RAB31: variants seen among roughly 807,000 people sequenced by gnomAD.
The protein encoded by RAB31 is RAB31, member RAS oncogene family, also known as ras-related protein Rab-31.
In RAB31, 21 loss-of-function variants were observed where a neutral mutation model predicts 25.6. That is an observed-to-expected ratio of 0.82 (90% CI 0.58 to 1.18). The LOEUF is 1.18. Ranked by LOEUF, RAB31 falls within the 50% of genes most tolerant of loss-of-function variation. The pLI, the probability that RAB31 is intolerant of heterozygous loss-of-function variation, is 0.00. For synonymous variants in RAB31, 87 were observed against 84.0 expected (o/e 1.04, Z -0.20); for missense variants, 196 against 250.1 (o/e 0.78, Z 1.46).
chr18:9,796,193 A>G (rs1599042140), intron 3 of RAB31, among the ~76,000 whole-genome samples: 1 of 152,192 alleles, frequency 6.6e-6, no homozygotes, highest in Admixed American at 6.5e-5. Flanking sequence ...ACACAGTGGC[A>G]TAAGAATGAT....
rs1022997275 is a variant in RAB31 at position 9,833,778 on chromosome 18, G to A, written c.381-11804G>A. Among the ~76,000 whole-genome samples, 4 of 152,156 alleles carry A rather than the reference G, an allele frequency of 2.6e-5. No homozygotes were observed. The East Asian group carries it at 7.7e-4, about 29-fold the overall frequency. Reference sequence around the variant, plus strand: ...AAGACATAAGCCATATCTGATCTATGAGCTGTTATTAGAAAATAGTACAGT... The same window carrying A: ...AAGACATAAGCCATATCTGATCTATAAGCTGTTATTAGAAAATAGTACAGT... On this transcript the variant is annotated intron_variant, in intron 5 of 6. Coordinates refer to ENST00000578921, the MANE Select transcript of RAB31 (RefSeq NM_006868.4).
intron 1 of RAB31, among the ~76,000 whole-genome samples, chr18:9,719,614 G>A (rs1304295548): frequency 2.0e-5 from 3 of 151,402 alleles, no homozygotes; most frequent in Non-Finnish European, 2.9e-5. Flanking sequence ...TTTGTTTCAC[G>A]TTCGGAGGAC....
chr18:9,767,980 T>C (rs2068324927), intron 1 of RAB31, among the ~76,000 whole-genome samples: 1 of 152,158 alleles, frequency 6.6e-6, no homozygotes, highest in East Asian at 1.9e-4. Flanking sequence ...TTTGGTTTTC[T>C]GTTCCTGTGT....
intron 1 of RAB31, among the ~76,000 whole-genome samples, chr18:9,763,240 C>A (rs749412611): frequency 1.3e-5 from 2 of 151,926 alleles, no homozygotes; most frequent in African/African-American, 4.8e-5. Context: ...TTTAAACTTA[C>A]GCTAAGGCCT....
chr18:9,747,128 A>G (rs1465270093), intron 1 of RAB31, among the ~76,000 whole-genome samples: 1 of 152,234 alleles, frequency 6.6e-6, no homozygotes, highest in African/African-American at 2.4e-5. Context: ...TCCAGAGAAG[A>G]CATACAGATG....
intron 5 of RAB31, among the ~76,000 whole-genome samples, chr18:9,820,631 T>C (rs2068620179): frequency 1.3e-5 from 2 of 152,112 alleles, no homozygotes; most frequent in Non-Finnish European, 2.9e-5. Context: ...GTCAGTTCTT[T>C]AAGTGTTATC....
intron 1 of RAB31, among the ~76,000 whole-genome samples, chr18:9,750,073 A>G (rs1473349933): frequency 6.6e-6 from 1 of 152,192 alleles, no homozygotes. Flanking sequence ...TCCCTTGAAC[A>G]GGCCGAAAGG....
intron 3 of RAB31, among the ~76,000 whole-genome samples, chr18:9,798,160 T>G (rs1452050641): frequency 6.6e-6 from 1 of 152,226 alleles, no homozygotes; most frequent in African/African-American, 2.4e-5. Flanking sequence ...GGATTTAGTT[T>G]GGGATAACGA....
intron 1 of RAB31, among the ~76,000 whole-genome samples, chr18:9,773,480 G>A (rs557357589): frequency 1.8e-4 from 28 of 152,200 alleles, no homozygotes; most frequent in African/African-American, 4.8e-4. Context: ...TGTTGGCAAC[G>A]GCGATCGGTG....
intron 2 of RAB31, among the ~76,000 whole-genome samples, chr18:9,777,504 C>T (rs370421009): frequency 4.7e-4 from 71 of 152,194 alleles, no homozygotes; most frequent in Admixed American, 1.2e-3. Context: ...CCAACATAGG[C>T]GCGCTTGTAT....
At chr18:9,853,377 TA>T (rs1343391807) in intron 6 of RAB31, among the ~76,000 whole-genome samples, 2 of 152,110 alleles carry the variant, frequency 1.3e-5, no homozygotes, top group Non-Finnish European at 2.9e-5. Context: ...TATCAAACCA[TA>T]AAAAATGTGG....
At chr18:9,752,604 C>T (rs2068241094) in intron 1 of RAB31, among the ~76,000 whole-genome samples, 1 of 152,222 alleles carries the variant, frequency 6.6e-6, no homozygotes, top group African/African-American at 2.4e-5. Context: ...CTCCAGCATC[C>T]CATTGACGTC....
In RAB31 at chr18:9,794,131, G is replaced by A. The variant is rs545239384; in HGVS notation, c.201+1896G>A. On this transcript the variant is annotated intron_variant, in intron 3 of 6. Coordinates refer to ENST00000578921, the MANE Select transcript of RAB31 (RefSeq NM_006868.4). ...GCTGGTCTTGAACTCCTGGGCTCAA[G>A]CAGTCCTCCTGCCTTGGCCTTCCAA... 3.1e-4 allele frequency among the ~76,000 whole-genome samples: 47 copies of A among 152,276 alleles called. 1 individual carries two copies. In the South Asian group the frequency reaches 7.5e-3, roughly 24 times the overall value.
At chr18:9,727,981 G>A (rs1293053188) in intron 1 of RAB31, among the ~76,000 whole-genome samples, 1 of 152,164 alleles carries the variant, frequency 6.6e-6, no homozygotes, top group Non-Finnish European at 1.5e-5. Context: ...TTTTAAAGTT[G>A]TTTTTAATGA....
chr18:9,743,862 G>A (rs780508882), intron 1 of RAB31, among the ~76,000 whole-genome samples: 18 of 152,188 alleles, frequency 1.2e-4, no homozygotes, highest in Admixed American at 3.9e-4. Flanking sequence ...GTGGACTCCC[G>A]GGTGCGGTCT....
chr18:9,849,711 G>T (rs2068779462), intron 6 of RAB31: 3 of 152,326 alleles, frequency 2.0e-5, no homozygotes, highest in African/African-American at 7.2e-5. Context: ...CCTCCCCGGG[G>T]AAATGATTTT....
rs993452497 is a variant in RAB31, at chr18:9,855,279, T to TA, written c.491-3948dup. Among the ~76,000 whole-genome samples the TA allele has an allele frequency of 2.6e-5, 4 of 152,166 alleles. No individual in the cohort carries two copies. In the South Asian group the frequency reaches 8.3e-4, roughly 32 times the overall value. On this transcript the variant is annotated intron_variant, in intron 6 of 6. Coordinates refer to ENST00000578921, the MANE Select transcript of RAB31 (RefSeq NM_006868.4). ...AAAAAAAAGTCTTTTAAACTTCTCCTAGACAGCATCTTACAAAATCCAAAC... is the reference window on the plus strand; with the variant it reads ...AAAAAAAAGTCTTTTAAACTTCTCCTAAGACAGCATCTTACAAAATCCAAAC...
chr18:9,812,733 T>C (rs2068580226), intron 3 of RAB31, among the ~76,000 whole-genome samples: 1 of 133,126 alleles, frequency 7.5e-6, no homozygotes, highest in African/African-American at 2.9e-5. Flanking sequence ...AGTCTCACTC[T>C]GTCTTCCAGG....
chr18:9,728,584 C>T (rs978476736), intron 1 of RAB31, among the ~76,000 whole-genome samples: 5 of 152,130 alleles, frequency 3.3e-5, no homozygotes, highest in African/African-American at 1.2e-4. Context: ...ATCACCTAGG[C>T]AGGAGTGCAG....
Sources: gnomAD v4.1 joint callset for allele counts (sites outside exome capture counted in the v4.1 genomes callset) on GRCh38, gnomAD v4.1.1 for gene constraint, MANE v1.5 for transcripts, NCBI Gene and HGNC (gene_info 2026-07-23, HGNC 2026-07-21) for gene names.